LRRC37A2: variants seen among roughly 807,000 people sequenced by gnomAD.
LRRC37A2 encodes leucine rich repeat containing 37 member A2.
Under a neutral mutation model 68.8 loss-of-function variants are expected in LRRC37A2, and 9 were observed. That is an observed-to-expected ratio of 0.13 (90% CI 0.08 to 0.23). LRRC37A2 has a LOEUF of 0.23. Among genes scored for constraint, LRRC37A2 ranks in the 10% least tolerant of loss-of-function variants. The pLI is 1.00. For missense variants in LRRC37A2, 168 were observed against 950.4 expected (o/e 0.18, Z 10.82); for synonymous variants, 63 against 367.6 (o/e 0.17, Z 9.48).
chr17:46,473,888 T>C, the LRRC37A2 span, among the ~76,000 whole-genome samples: 1 of 103,894 alleles, frequency 9.6e-6, no homozygotes, highest in East Asian at 2.4e-4. Context: ...AGAGCAAGAC[T>C]TCATCTCAAA....
the LRRC37A2 span, chr17:46,764,373 G>C: frequency 6.6e-6 from 1 of 152,556 alleles, no homozygotes; most frequent in Non-Finnish European, 1.5e-5. Flanking sequence ...TCAGACCCTA[G>C]AGAACTAAAA....
chr17:46,821,593 G>C, the LRRC37A2 span, among the ~76,000 whole-genome samples: 1 of 152,270 alleles, frequency 6.6e-6, no homozygotes. Flanking sequence ...TCAGCCGGTG[G>C]ACCAGGAGGC....
the LRRC37A2 span, among the ~76,000 whole-genome samples, chr17:46,743,381 C>A: frequency 6.6e-6 from 1 of 152,170 alleles, no homozygotes; most frequent in African/African-American, 2.4e-5. Flanking sequence ...TTCCTTCTTG[C>A]CTGTTCTGAC....
the LRRC37A2 span, among the ~76,000 whole-genome samples, chr17:46,442,103 A>G: frequency 2.5e-5 from 2 of 81,082 alleles, 1 homozygote; most frequent in South Asian, 1.1e-3. Flanking sequence ...GAATAAGTAC[A>G]GAAATGCATA....
chr17:46,875,337 G>C, the LRRC37A2 span: 1 of 1,611,308 alleles, frequency 6.2e-7, no homozygotes, highest in Non-Finnish European at 8.5e-7. Flanking sequence ...GGCACGGGCA[G>C]ACGCCCACAA....
At chr17:46,966,532 A>G in the LRRC37A2 span, 1 of 690,170 alleles carries the variant, frequency 1.4e-6, no homozygotes, top group South Asian at 1.5e-5. Context: ...TATTTTTTGC[A>G]GAGACAAGGT....
chr17:46,768,156 G>C, the LRRC37A2 span, among the ~76,000 whole-genome samples: 6 of 152,192 alleles, frequency 3.9e-5, no homozygotes, highest in East Asian at 9.6e-4. The surrounding 1 kb of genome is among the most constrained non-coding windows in gnomAD (Gnocchi z 5.0). Flanking sequence ...TCCCACGGAT[G>C]CTTGAAAAAT....
the LRRC37A2 span, chr17:46,876,466 G>C: frequency 6.2e-7 from 1 of 1,613,686 alleles, no homozygotes; most frequent in Non-Finnish European, 8.5e-7. Flanking sequence ...CCAAAGGCCT[G>C]GCCCCAAGGT....
chr17:46,769,679 G>A, the LRRC37A2 span: 1 of 1,497,036 alleles, frequency 6.7e-7, no homozygotes, highest in East Asian at 2.4e-5. Flanking sequence ...AGGAGCCCGC[G>A]ACCCACAGGG....
At chr17:46,768,803 G>A in the LRRC37A2 span, 1 of 1,612,340 alleles carries the variant, frequency 6.2e-7, no homozygotes, top group East Asian at 2.2e-5. The surrounding 1 kb of genome is among the most constrained non-coding windows in gnomAD (Gnocchi z 5.0). Flanking sequence ...GGATAGTCTG[G>A]GGGAGAGAAG....
the LRRC37A2 span, chr17:46,872,398 G>C: frequency 7.4e-7 from 1 of 1,350,422 alleles, no homozygotes; most frequent in Non-Finnish European, 9.6e-7. Context: ...GACCTCCAGC[G>C]GGTCAGCCTG....
At chr17:46,675,673 A>G in the LRRC37A2 span, among the ~76,000 whole-genome samples, 3 of 136,422 alleles carry the variant, frequency 2.2e-5, no homozygotes, top group African/African-American at 8.8e-5. Context: ...CGAACATTCT[A>G]TTGGTTCTGT....
chr17:46,994,614 G>GA, the LRRC37A2 span, among the ~76,000 whole-genome samples: 1 of 152,014 alleles, frequency 6.6e-6, no homozygotes, highest in South Asian at 2.1e-4. Flanking sequence ...AAATTTTAAA[G>GA]AAAAAAAGAA....
At chr17:46,908,013 G>T in the LRRC37A2 span, among the ~76,000 whole-genome samples, 1 of 152,162 alleles carries the variant, frequency 6.6e-6, no homozygotes, top group African/African-American at 2.4e-5. Context: ...AGGCTGGGGG[G>T]CAGCTCAGCC....
chr17:46,716,556 C>T, the LRRC37A2 span, among the ~76,000 whole-genome samples: 1 of 152,308 alleles, frequency 6.6e-6, no homozygotes, highest in Admixed American at 6.5e-5. Flanking sequence ...CGCGCCCGGC[C>T]TGCACCTCCA....
the LRRC37A2 span, chr17:46,755,738 TTTTGATGAATAG>T: frequency 6.8e-7 from 1 of 1,469,310 alleles, no homozygotes. Flanking sequence ...TTTTTTTTTT[TTTTGATGAATAG>T]TTTTTTACGG....
the LRRC37A2 span, among the ~76,000 whole-genome samples, chr17:46,740,126 G>C: frequency 1.3e-5 from 2 of 152,186 alleles, no homozygotes; most frequent in African/African-American, 2.4e-5. Flanking sequence ...TTCAGTACTA[G>C]GAGTGAGAGG....
At chr17:46,876,820 A>G in the LRRC37A2 span, 3 of 1,441,858 alleles carry the variant, frequency 2.1e-6, no homozygotes, top group Non-Finnish European at 2.7e-6. Context: ...ACATGCATGC[A>G]TAAACCGGCA....
the LRRC37A2 span, among the ~76,000 whole-genome samples, chr17:46,492,936 C>T: frequency 8.0e-5 from 12 of 149,590 alleles, no homozygotes; most frequent in Admixed American, 3.3e-4. Context: ...CCTCGTGATC[C>T]GCCCGCCTCG....
Sources: allele counts gnomAD v4.1 joint callset (sites outside exome capture counted in the v4.1 genomes callset), GRCh38; gene constraint gnomAD v4.1.1; non-coding constraint Gnocchi (gnomAD v3.1); transcripts MANE v1.5; gene names NCBI Gene and HGNC (gene_info 2026-07-23, HGNC 2026-07-21).